LUZP2: variants seen among roughly 807,000 people sequenced by gnomAD.
LUZP2 encodes the protein leucine zipper protein 2.
Under a neutral mutation model 51.6 loss-of-function variants are expected in LUZP2, and 52 were observed. The ratio of observed to expected loss-of-function variants is 1.01; its 90% CI spans 0.81 to 1.27. The LOEUF (loss-of-function observed/expected upper bound fraction) is 1.27, where lower values mean the gene tolerates loss of function less well. LUZP2 is among the 50% of genes most tolerant of loss of function. The pLI is 0.00. For missense variants in LUZP2, 436 were observed against 395.4 expected, an observed-to-expected ratio of 1.10 and a Z score of -0.87; for synonymous variants, 154 against 137.3, an observed-to-expected ratio of 1.12 and a Z score of -0.85.
At chr11:24,920,096 G>A (rs1028640419) in intron 7 of LUZP2, among the ~76,000 whole-genome samples, 2 of 151,526 alleles carry the variant, frequency 1.3e-5, no homozygotes, top group Non-Finnish European at 3.0e-5. Flanking sequence ...TACTTTTTTG[G>A]GGAGGTAGGG....
chr11:24,705,735 C>T (rs1250820406), intron 1 of LUZP2, among the ~76,000 whole-genome samples: 1 of 152,158 alleles, frequency 6.6e-6, no homozygotes, highest in Non-Finnish European at 1.5e-5. Flanking sequence ...TAAACATTTC[C>T]TACAGTGCCT....
chr11:24,886,082 A>T (rs1221541807), intron 5 of LUZP2, among the ~76,000 whole-genome samples: 2 of 152,308 alleles, frequency 1.3e-5, no homozygotes, highest in African/African-American at 2.4e-5. Flanking sequence ...ATTATTATTC[A>T]TGTGTGTTCA....
chr11:24,524,952 G>A (rs778310011), intron 1 of LUZP2, among the ~76,000 whole-genome samples: 13 of 151,618 alleles, frequency 8.6e-5, no homozygotes, highest in Non-Finnish European at 1.6e-4. Flanking sequence ...CAGGCTAGGA[G>A]TAAGAAATGC....
At chr11:24,931,225 AAAATAAAATAAAAT>A in intron 7 of LUZP2, among the ~76,000 whole-genome samples, 1 of 45,816 alleles carries the variant, frequency 2.2e-5, no homozygotes, top group Non-Finnish European at 5.5e-5. Context: ...AAAATAAAAT[AAAATAAAATAAAAT>A]AAAATAAAAT....
At chr11:24,826,250 C>T (rs1418764007) in intron 5 of LUZP2, among the ~76,000 whole-genome samples, 2 of 144,092 alleles carry the variant, frequency 1.4e-5, no homozygotes, top group African/African-American at 5.1e-5. Flanking sequence ...ACGTTTGGAT[C>T]TTTCATTACA....
intron 1 of LUZP2, among the ~76,000 whole-genome samples, chr11:24,607,341 CTTTTTTTTTT>C (rs57741208): frequency 0.39 from 24,308 of 62,086 alleles, 1,336 homozygotes; most frequent in Admixed American, 0.44. Flanking sequence ...GATATTATGT[CTTTTTTTTTT>C]TTTTTTTTTT....
At chr11:24,530,698 T>G (rs1247485989) in intron 1 of LUZP2, among the ~76,000 whole-genome samples, 1 of 149,370 alleles carries the variant, frequency 6.7e-6, no homozygotes, top group East Asian at 2.0e-4. Flanking sequence ...TTTATTTTCA[T>G]TTTTTGATCT....
rs184115749 is a variant in LUZP2 at position 24,751,497 on chromosome 11, A to T, written c.334-11749A>T. On this transcript the variant is annotated intron_variant, in intron 4 of 11. Transcript: ENST00000336930. ...TCAGGCCTCTCCTGTCATCAAGGTAACATCAGTGCAGTACAAAAGCCCTGC... is the reference window on the plus strand; with the variant it reads ...TCAGGCCTCTCCTGTCATCAAGGTATCATCAGTGCAGTACAAAAGCCCTGC... 334 of 671,622 alleles carry T rather than the reference A, an allele frequency of 5.0e-4. 1 individual carries two copies. The highest frequency in any genetic ancestry group is 5.8e-4 in the Non-Finnish European group (316 of 543,076). The allele number at this position is 671,622 out of a possible 1,614,324, so 41.6% of individuals were successfully genotyped here.
At chr11:24,916,702 T>C (rs1418131606) in intron 7 of LUZP2, among the ~76,000 whole-genome samples, 1 of 152,190 alleles carries the variant, frequency 6.6e-6, no homozygotes, top group Non-Finnish European at 1.5e-5. Context: ...CCATGGTGTA[T>C]ATGTGCCACA....
At chr11:24,727,513 AC>A (rs1359138884) in intron 1 of LUZP2, among the ~76,000 whole-genome samples, 1 of 152,104 alleles carries the variant, frequency 6.6e-6, no homozygotes, top group African/African-American at 2.4e-5. Flanking sequence ...ATATATAATA[AC>A]CTGTCAATAC....
At chr11:24,594,220 A>T (rs1290012237) in intron 1 of LUZP2, among the ~76,000 whole-genome samples, 1 of 152,190 alleles carries the variant, frequency 6.6e-6, no homozygotes, top group African/African-American at 2.4e-5. Context: ...TAAAATCCAT[A>T]TTTGTTATTC....
intron 5 of LUZP2, among the ~76,000 whole-genome samples, chr11:24,837,336 G>C (rs762673501): frequency 1.3e-5 from 2 of 151,676 alleles, no homozygotes; most frequent in East Asian, 1.9e-4. Flanking sequence ...ATGATGAATA[G>C]GATGTTGTCC....
At chr11:24,598,795 A>G (rs766148357) in intron 1 of LUZP2, among the ~76,000 whole-genome samples, 2 of 152,168 alleles carry the variant, frequency 1.3e-5, no homozygotes, top group African/African-American at 2.4e-5. Context: ...GCAGCTGTTG[A>G]CAGCACAATG....
chr11:24,920,151 T>A (rs915866037), intron 7 of LUZP2, among the ~76,000 whole-genome samples: 1 of 151,956 alleles, frequency 6.6e-6, no homozygotes, highest in Admixed American at 6.6e-5. Flanking sequence ...TCACAAAAAA[T>A]TCAATCTATC....
intron 9 of LUZP2, among the ~76,000 whole-genome samples, chr11:25,032,807 C>T (rs964496787): frequency 1.3e-5 from 2 of 152,144 alleles, no homozygotes; most frequent in East Asian, 1.9e-4. Flanking sequence ...GGGCCTTATA[C>T]AATACATTCA....
chr11:25,060,801 ATCC>A, intron 10 of LUZP2, among the ~76,000 whole-genome samples: 1 of 152,052 alleles, frequency 6.6e-6, no homozygotes, highest in South Asian at 2.1e-4. Context: ...TCTTATCCTC[ATCC>A]TCCTCTTTTT....
At chr11:24,710,819 T>C (rs1183497282) in intron 1 of LUZP2, among the ~76,000 whole-genome samples, 1 of 152,024 alleles carries the variant, frequency 6.6e-6, no homozygotes, top group Non-Finnish European at 1.5e-5. Context: ...CTTTATGAAG[T>C]CAGGTACAAT....
chr11:24,711,450 AAAATAAATAAATAAATAAATAAAT>A (rs200424558), intron 1 of LUZP2, among the ~76,000 whole-genome samples: 1 of 143,042 alleles, frequency 7.0e-6, no homozygotes, highest in Non-Finnish European at 1.5e-5. Context: ...ACTCCATCTC[AAAATAAATAAATAAATAAATAAAT>A]AAATAAATAA....
Position 25,080,586 on chromosome 11 carries a change from T to C in LUZP2, c.*1928T>C, listed in dbSNP as rs1859435398. ...TGAGGTTTCTTCTGACTCCTTCATA[T>C]TTCTAAAAATAATCATACAAACTAG... On this transcript the variant is annotated 3_prime_UTR_variant, in exon 12 of 12. Coordinates refer to ENST00000336930, the MANE Select transcript of LUZP2 (RefSeq NM_001009909.4). 6.6e-6 allele frequency: 1 copy of C among 152,152 alleles called. No homozygotes were observed. Among genetic ancestry groups the C allele is most frequent in the Non-Finnish European group, 1.5e-5 (1 of 68,032 alleles). 9.4% of individuals were successfully genotyped at this position (152,152 alleles called of 1,614,324 possible).
Sources: allele counts gnomAD v4.1 joint callset (sites outside exome capture counted in the v4.1 genomes callset), GRCh38; gene constraint gnomAD v4.1.1; transcripts MANE v1.5; gene names NCBI Gene and HGNC (gene_info 2026-07-23, HGNC 2026-07-21).